SPINK2: variants seen among roughly 807,000 people sequenced by gnomAD.
SPINK2 encodes serine protease inhibitor Kazal-type 2.
Under a neutral mutation model 13.5 loss-of-function variants are expected in SPINK2, and 8 were observed. That is an observed-to-expected ratio of 0.59 (90% CI 0.35 to 1.07). The LOEUF (loss-of-function observed/expected upper bound fraction) is 1.07, where lower values mean the gene tolerates loss of function less well. SPINK2 is among the 50% of genes least tolerant of loss of function. The pLI is 0.02. For missense variants in SPINK2, 148 were observed against 180.3 expected (o/e 0.82, Z 1.03); for synonymous variants, 76 against 74.7 (o/e 1.02, Z -0.09).
chr4:56,820,495 C>A, intron 2 of SPINK2, 41 bp downstream of exon 2: 1 of 1,552,704 alleles, frequency 6.4e-7, no homozygotes. Context: ...TTTTGGGCTT[C>A]ACTGTATTAG....
At chr4:56,814,479 C>T (rs1394978019) in intron 2 of SPINK2, among the ~76,000 whole-genome samples, 1 of 151,652 alleles carries the variant, frequency 6.6e-6, no homozygotes. Flanking sequence ...AGCTTAGGGT[C>T]GAATAAGGCA....
At chr4:56,810,932 A>T (rs995964233) in intron 3 of SPINK2, among the ~76,000 whole-genome samples, 2 of 152,186 alleles carry the variant, frequency 1.3e-5, no homozygotes, top group Non-Finnish European at 2.9e-5. Flanking sequence ...CAGGTGTGCT[A>T]CATGAAGCAT....
chr4:56,810,413 ACT>A (rs1560411762), intron 3 of SPINK2: 4 of 500,664 alleles, frequency 8.0e-6, no homozygotes. Flanking sequence ...CCAAAGAATC[ACT>A]CAGAGAGCTG....
At chr4:56,811,614 C>CAAAA in intron 3 of SPINK2, 71 bp downstream of exon 3, 11 of 833,170 alleles carry the variant, frequency 1.3e-5, no homozygotes, top group African/African-American at 1.0e-4. Context: ...GAGACTCTGT[C>CAAAA]AAAAAAAAAA....
chr4:56,809,952 C>G lies in SPINK2; in HGVS notation c.*187G>C. ...AACTCCAGGAGCAAAAGCCAAGAAA[C>G]AAGGATTCTTTTTTTCTTTAAATTA... On this transcript the variant is annotated 3_prime_UTR_variant, in exon 4 of 4. Coordinates refer to ENST00000506738, the MANE Select transcript of SPINK2 (RefSeq NM_001271718.2). 1 of 1,453,042 alleles carries G rather than the reference C, an allele frequency of 6.9e-7. No individual in the cohort carries two copies. The highest frequency in any genetic ancestry group is 9.1e-7 in the Non-Finnish European group (1 of 1,104,354). 90.0% of individuals were successfully genotyped at this position (1,453,042 alleles called of 1,614,324 possible). A position where few individuals can be genotyped will look rare whatever the true frequency, so the allele number is the denominator to read the frequency against.
At chr4:56,812,420 T>G (rs939986291) in intron 2 of SPINK2, among the ~76,000 whole-genome samples, 30 of 150,840 alleles carry the variant, frequency 2.0e-4, no homozygotes, top group Non-Finnish European at 3.5e-4. Context: ...CCGGGCACGG[T>G]GGCGCATGCC....
At chr4:56,818,815 T>C (rs1475467422) in intron 2 of SPINK2, among the ~76,000 whole-genome samples, 1 of 152,072 alleles carries the variant, frequency 6.6e-6, no homozygotes, top group African/African-American at 2.4e-5. Flanking sequence ...TAAAAGAAAA[T>C]CAAACCCAAG....
chr4:56,821,402 G>A lies in SPINK2; in HGVS notation c.205+56C>T, dbSNP rs959162140. ...GAGCGAAGCCCAAGCAAGAACTAAA[G>A]AGGGTGGCTGACTCCACAAAGCCAC... is the stretch of plus-strand genomic sequence containing the variant. On this transcript the variant is annotated intron_variant, in intron 1 of 3. Coordinates refer to ENST00000506738, the MANE Select transcript of SPINK2 (RefSeq NM_001271718.2). 9 of 1,452,044 alleles carry A rather than the reference G, an allele frequency of 6.2e-6. No individual in the cohort carries two copies. The African/African-American group carries it at 1.2e-4, about 19-fold the overall frequency. 89.9% of individuals were successfully genotyped at this position (1,452,044 alleles called of 1,614,324 possible). A position where few individuals can be genotyped will look rare whatever the true frequency, so the allele number is the denominator to read the frequency against.
intron 3 of SPINK2, 102 bp from the exon 4 acceptor site, chr4:56,810,286 T>G: frequency 1.1e-6 from 1 of 919,316 alleles, no homozygotes; most frequent in Non-Finnish European, 1.7e-6. Flanking sequence ...ATATATTAGA[T>G]TCCTTCCACA....
chr4:56,812,020 C>G (rs1322683963), intron 2 of SPINK2, among the ~76,000 whole-genome samples: 1 of 149,534 alleles, frequency 6.7e-6, no homozygotes, highest in East Asian at 2.0e-4. Flanking sequence ...GCCTCAGCCT[C>G]CCAAGTAGCT....
At position 56,821,655 on chromosome 4, in the gene SPINK2, A is replaced by T. The variant is rs111481638; in HGVS notation, c.8T>A (p.Leu3Gln). ...CAGCAGCGCCAAGCGCAGCACCGAC[A>T]GCGCCATCCTCCTCCCGCGCCGGCT... MA[L>Q]SVLRLALLLL... The change falls in exon 1 of 4, where the codon CTG becomes CAG. Residue 3 changes from leucine to glutamine, a missense_variant. Leu to Gln is a moderately radical substitution (Grantham distance 113). Coordinates refer to ENST00000506738, the MANE Select transcript of SPINK2 (RefSeq NM_001271718.2). The T allele has an allele frequency of 2.5e-5, 38 of 1,537,928 alleles. No homozygotes were observed. The African/African-American group carries it at 3.5e-4, about 14-fold the overall frequency.
At position 56,816,479 on chromosome 4, in the gene SPINK2, C is replaced by T. The variant is rs549684620; in HGVS notation, c.249+4057G>A. Among the ~76,000 whole-genome samples, 6 of 151,838 alleles carry T rather than the reference C, an allele frequency of 4.0e-5. No individual in the cohort carries two copies. The South Asian group carries it at 1.2e-3, about 32-fold the overall frequency. ...CCAGCCTGGCCAACCTGGTGAAACC[C>T]CGTCTCTACTAAAAATAGAAAAATT... On this transcript the variant is annotated intron_variant, in intron 2 of 3. Coordinates refer to ENST00000506738, the MANE Select transcript of SPINK2 (RefSeq NM_001271718.2).
chr4:56,812,146 G>A lies in SPINK2; in HGVS notation c.250-352C>T, dbSNP rs542654563. 6.0e-5 allele frequency among the ~76,000 whole-genome samples: 9 copies of A among 150,774 alleles called. No homozygotes were observed. The East Asian group carries it at 1.8e-3, about 30-fold the overall frequency. ...TCTGACGTCATGATCCACCCGCCTT[G>A]GCCTCCCAAAGTGCTAGGATTACAG... On this transcript the variant is annotated intron_variant, in intron 2 of 3. Coordinates refer to ENST00000506738, the MANE Select transcript of SPINK2 (RefSeq NM_001271718.2).
chr4:56,817,065 G>C (rs1368942264), intron 2 of SPINK2, among the ~76,000 whole-genome samples: 2 of 151,842 alleles, frequency 1.3e-5, no homozygotes, highest in Non-Finnish European at 2.9e-5. Flanking sequence ...AGCTGGGCGT[G>C]GTGGCACACA....
In SPINK2 at chr4:56,813,587, G is replaced by A. The variant is rs183663116; in HGVS notation, c.250-1793C>T. Reference sequence around the variant, plus strand: ...ACGAACCCTATTGTGACATGGGCATGTGAGGAATCTAGGTTGTGCACTCCT... The same window carrying A: ...ACGAACCCTATTGTGACATGGGCATATGAGGAATCTAGGTTGTGCACTCCT... On this transcript the variant is annotated intron_variant, in intron 2 of 3. Coordinates refer to ENST00000506738, the MANE Select transcript of SPINK2 (RefSeq NM_001271718.2). 2.5e-3 allele frequency among the ~76,000 whole-genome samples: 374 copies of A among 151,896 alleles called. 1 individual carries two copies. The highest frequency in any genetic ancestry group is 8.8e-3 in the African/African-American group (365 of 41,450).
At chr4:56,816,234 CT>C (rs1377028860) in intron 2 of SPINK2, among the ~76,000 whole-genome samples, 1 of 152,064 alleles carries the variant, frequency 6.6e-6, no homozygotes, top group Non-Finnish European at 1.5e-5. Context: ...AACAATTCCA[CT>C]TACAATAGCA....
At chr4:56,812,042 C>A (rs534503665) in intron 2 of SPINK2, among the ~76,000 whole-genome samples, 3 of 149,160 alleles carry the variant, frequency 2.0e-5, no homozygotes, top group Admixed American at 1.4e-4. Flanking sequence ...GGATTACAGG[C>A]GCACGCCTCC....
intron 3 of SPINK2, 74 bp from the exon 4 acceptor site, chr4:56,810,258 A>C (rs1716869286): frequency 8.3e-7 from 1 of 1,211,324 alleles, no homozygotes; most frequent in Admixed American, 2.2e-5. Flanking sequence ...TGTGTTAAAA[A>C]GACCCATGTA....
Position 56,814,960 on chromosome 4 carries a change from CAAA to C in SPINK2, c.250-3169_250-3167del, listed in dbSNP as rs5858398. On this transcript the variant is annotated intron_variant, in intron 2 of 3. Coordinates refer to ENST00000506738, the MANE Select transcript of SPINK2 (RefSeq NM_001271718.2). Reference sequence around the variant, plus strand: ...TGGGTGACAGAGCAAGACTCCGTCTCAAAAAAAAAAAAAAAAAAAAAAACAAAG... The same window carrying C: ...TGGGTGACAGAGCAAGACTCCGTCTCAAAAAAAAAAAAAAAAAAAACAAAG... 8.1e-3 allele frequency among the ~76,000 whole-genome samples: 833 copies of C among 102,518 alleles called. 13 individuals carry two copies. Among genetic ancestry groups the C allele is most frequent in the African/African-American group, 0.026 (758 of 29,088 alleles). The allele number at this position is 102,518 out of a possible 152,430, so 67.3% of individuals were successfully genotyped here. A position where few individuals can be genotyped will look rare whatever the true frequency, so the allele number is the denominator to read the frequency against.
Sources: allele counts gnomAD v4.1 joint callset (sites outside exome capture counted in the v4.1 genomes callset), GRCh38; gene constraint gnomAD v4.1.1; transcripts MANE v1.5; gene names NCBI Gene and HGNC (gene_info 2026-07-23, HGNC 2026-07-21).